Variants in ANK2 observed in about 807,000 individuals in gnomAD.
ANK2 encodes the protein ankyrin 2, also known as ankyrin-2.
ANK2 carries 83 observed loss-of-function variants against 360.5 expected under a neutral mutation model. That is an observed-to-expected ratio of 0.23 (90% confidence interval 0.19 to 0.28). The LOEUF is 0.28. Ranked by LOEUF, ANK2 falls within the 10% of genes least tolerant of loss-of-function variation. The pLI, the probability that ANK2 is intolerant of heterozygous loss-of-function variation, is 1.00. For missense variants in ANK2, 4,201 were observed against 4,795.7 expected (o/e 0.88, Z 3.66); for synonymous variants, 1,740 against 1,759.5 (o/e 0.99, Z 0.28).
At chr4:112,882,033 C>T in intron 1 of ANK2, 1 of 474,350 alleles carries the variant, frequency 2.1e-6, no homozygotes, top group Non-Finnish European at 3.9e-6. Flanking sequence ...AATCTGTGAG[C>T]CTTCTCCACT....
chr4:113,072,740 T>C (rs984911402), intron 1 of ANK2, among the ~76,000 whole-genome samples: 1 of 120,812 alleles, frequency 8.3e-6, no homozygotes, highest in African/African-American at 2.9e-5. Flanking sequence ...ACACTTGGCA[T>C]AATTTTTTTT....
chr4:112,875,288 G>A (rs2074686671), intron 1 of ANK2, among the ~76,000 whole-genome samples: 1 of 152,028 alleles, frequency 6.6e-6, no homozygotes, highest in Admixed American at 6.6e-5. Context: ...CAAAATGTTG[G>A]CTTATAGGCT....
chr4:113,283,498 C>T (rs2063213691), intron 18 of ANK2, among the ~76,000 whole-genome samples: 1 of 151,996 alleles, frequency 6.6e-6, no homozygotes, highest in Non-Finnish European at 1.5e-5. Context: ...TAGCCTTTCT[C>T]CAGGGACTGG....
At chr4:112,979,531 TAC>T (rs2042462373) in intron 2 of ANK2, 1 of 152,198 alleles carries the variant, frequency 6.6e-6, no homozygotes, top group Admixed American at 6.5e-5. Context: ...CTGTTTGTCT[TAC>T]AGTTCTTTCA....
At chr4:112,825,287 T>C (rs1290972912) in intron 1 of ANK2, among the ~76,000 whole-genome samples, 1 of 151,672 alleles carries the variant, frequency 6.6e-6, no homozygotes, top group African/African-American at 2.4e-5. Flanking sequence ...TGTATACATA[T>C]GTAACAAACC....
chr4:113,197,107 T>C (rs984049910), intron 3 of ANK2, among the ~76,000 whole-genome samples: 1 of 152,212 alleles, frequency 6.6e-6, no homozygotes, highest in Non-Finnish European at 1.5e-5. Flanking sequence ...TGTGGGAAAC[T>C]TCTCTATGGA....
intron 13 of ANK2, among the ~76,000 whole-genome samples, chr4:113,262,103 T>G (rs1171283797): frequency 6.6e-6 from 1 of 152,208 alleles, no homozygotes; most frequent in Non-Finnish European, 1.5e-5. Context: ...ACATAGGAAT[T>G]CCTGGGACCT....
chr4:112,976,198 ATTT>A (rs568340736), intron 2 of ANK2, among the ~76,000 whole-genome samples: 2 of 144,438 alleles, frequency 1.4e-5, no homozygotes, highest in African/African-American at 5.1e-5. Flanking sequence ...TGGCTGTGGA[ATTT>A]TTTTTTTTTT....
At chr4:112,947,242 G>T (rs1234535533) in intron 2 of ANK2, among the ~76,000 whole-genome samples, 1 of 152,108 alleles carries the variant, frequency 6.6e-6, no homozygotes, top group Non-Finnish European at 1.5e-5. Context: ...GGCTTTTTAT[G>T]TCGCTCATTA....
At position 113,336,805 on chromosome 4, in the gene ANK2, G is replaced by A. The variant is rs756142243; in HGVS notation, c.3796+24G>A. ...AGGTGAGTCACATATGACTGTGTTC[G>A]TAGAGAGTTCTGAAAAAAGAAACTT... is the stretch of plus-strand genomic sequence containing the variant. On this transcript the variant is annotated intron_variant, in intron 31 of 45. Coordinates refer to ENST00000357077, the MANE Select transcript of ANK2 (RefSeq NM_001148.6). 36 of 1,608,238 alleles carry A rather than the reference G, an allele frequency of 2.2e-5. No homozygotes were observed. The Admixed American group carries it at 2.7e-4, about 12-fold the overall frequency.
chr4:112,721,607 C>G, the ANK2 span, among the ~76,000 whole-genome samples: 1 of 149,250 alleles, frequency 6.7e-6, no homozygotes, highest in African/African-American at 2.5e-5. Flanking sequence ...TGTCTCTACA[C>G]GCCTGGAAAA....
intron 1 of ANK2, among the ~76,000 whole-genome samples, chr4:112,852,836 G>A (rs1401914634): frequency 1.3e-5 from 2 of 152,218 alleles, no homozygotes; most frequent in Non-Finnish European, 2.9e-5. Flanking sequence ...AGCATCAGAA[G>A]AAATGAAGCA....
chr4:113,152,492 G>A (rs1349210866), intron 1 of ANK2: 1 of 152,110 alleles, frequency 6.6e-6, no homozygotes, highest in Non-Finnish European at 1.5e-5. Context: ...GGGTTTCTCT[G>A]TGAAATCTTA....
chr4:112,916,958 A>G (rs1043471879), intron 2 of ANK2, among the ~76,000 whole-genome samples: 2 of 152,338 alleles, frequency 1.3e-5, no homozygotes, highest in Middle Eastern at 3.4e-3. Flanking sequence ...TATAGGGACA[A>G]CTTAAATTCC....
chr4:112,774,720 C>T, the ANK2 span, among the ~76,000 whole-genome samples: 36 of 152,172 alleles, frequency 2.4e-4, no homozygotes, highest in Non-Finnish European at 3.8e-4. Context: ...GGGGTGGAAA[C>T]GGGAGGCCAA....
chr4:112,997,638 T>C (rs904896345), intron 2 of ANK2, among the ~76,000 whole-genome samples: 4 of 152,140 alleles, frequency 2.6e-5, no homozygotes, highest in Non-Finnish European at 5.9e-5. Flanking sequence ...TTCCAGTATA[T>C]GTGTGCACAA....
intron 2 of ANK2, among the ~76,000 whole-genome samples, chr4:113,181,489 G>A (rs775201512): frequency 9.9e-5 from 15 of 152,134 alleles, no homozygotes; most frequent in Admixed American, 5.9e-4. Flanking sequence ...CTCTGTCCTA[G>A]GTGCTGGGGA....
intron 4 of ANK2, among the ~76,000 whole-genome samples, chr4:113,203,436 CA>C (rs35032155): frequency 0.37 from 53,318 of 145,734 alleles, 9,999 homozygotes; most frequent in South Asian, 0.46. Flanking sequence ...TCTCTGATTG[CA>C]AAAAAAAAAA....
At chr4:113,182,731 T>C (rs1223079538) in intron 2 of ANK2, among the ~76,000 whole-genome samples, 1 of 152,190 alleles carries the variant, frequency 6.6e-6, no homozygotes, top group Non-Finnish European at 1.5e-5. Flanking sequence ...GACTTGATCA[T>C]AGCAATTTTG....
Sources: gnomAD v4.1 joint callset for allele counts (sites outside exome capture counted in the v4.1 genomes callset) on GRCh38, gnomAD v4.1.1 for gene constraint, MANE v1.5 for transcripts, NCBI Gene and HGNC (gene_info 2026-07-23, HGNC 2026-07-21) for gene names.